The following SPATA17 variants were observed in gnomAD, a reference collection of about 807,000 sequenced individuals.
SPATA17 encodes the protein spermatogenesis-associated protein 17.
In SPATA17, 53 loss-of-function variants were observed where a neutral mutation model predicts 62.2. That is an observed-to-expected ratio of 0.85 (90% CI 0.68 to 1.07). SPATA17 has a LOEUF of 1.07. Among genes scored for constraint, SPATA17 ranks in the 50% least tolerant of loss-of-function variants. The pLI is 0.00. For synonymous variants in SPATA17, 146 were observed against 146.8 expected, an observed-to-expected ratio of 0.99 and a Z score of 0.04; for missense variants, 466 against 425.5, an observed-to-expected ratio of 1.10 and a Z score of -0.84.
intron 9 of SPATA17, among the ~76,000 whole-genome samples, chr1:217,829,627 CAAAAAAAAA>C (rs397982930): frequency 1.7e-4 from 8 of 46,758 alleles, no homozygotes; most frequent in East Asian, 9.0e-4. Flanking sequence ...GACTCCATCT[CAAAAAAAAA>C]AAAAAAAAAA....
At chr1:217,757,634 G>T (rs1310378350) in intron 6 of SPATA17, among the ~76,000 whole-genome samples, 1 of 152,138 alleles carries the variant, frequency 6.6e-6, no homozygotes, top group African/African-American at 2.4e-5. Flanking sequence ...TAGATTTGTA[G>T]GGTTGGCAAG....
chr1:217,790,787 T>A (rs1673979611), intron 8 of SPATA17, among the ~76,000 whole-genome samples: 1 of 152,212 alleles, frequency 6.6e-6, no homozygotes, highest in Non-Finnish European at 1.5e-5. Flanking sequence ...TTCGTAGACA[T>A]TACTAAAAGA....
intron 3 of SPATA17, among the ~76,000 whole-genome samples, chr1:217,663,898 C>T (rs964991365): frequency 6.6e-5 from 10 of 151,864 alleles, no homozygotes; most frequent in East Asian, 3.8e-4. Context: ...ATGGTATGTT[C>T]GTATAACAAA....
intron 4 of SPATA17, among the ~76,000 whole-genome samples, chr1:217,670,922 G>A (rs1465918392): frequency 1.3e-4 from 18 of 138,452 alleles, no homozygotes; most frequent in African/African-American, 5.0e-4. Flanking sequence ...CTGCACTCCA[G>A]CCTGGGTGAC....
At chr1:217,849,851 A>G (rs1675607490) in intron 9 of SPATA17, among the ~76,000 whole-genome samples, 1 of 152,164 alleles carries the variant, frequency 6.6e-6, no homozygotes, top group Admixed American at 6.6e-5. Context: ...GCCTTCTGAG[A>G]TATCTGAAGA....
rs946061202 is a variant in SPATA17 at position 217,868,488 on chromosome 1, A to G, written c.*1469A>G. 1 of 152,130 alleles carries G rather than the reference A, an allele frequency of 6.6e-6. No individual in the cohort carries two copies. The highest frequency in any genetic ancestry group is 1.5e-5 in the Non-Finnish European group (1 of 68,028). The allele number at this position is 152,130 out of a possible 1,614,324, so 9.4% of individuals were successfully genotyped here. On this transcript the variant is annotated 3_prime_UTR_variant, in exon 11 of 11. Coordinates refer to ENST00000366933, the MANE Select transcript of SPATA17 (RefSeq NM_138796.4). ...CCTACCTTAAATATGCTCAGAACAC[A>G]TACGTTAGCCTATAGTTGGGCAAAA...
At chr1:217,738,454 A>G (rs1672560189) in intron 5 of SPATA17, among the ~76,000 whole-genome samples, 1 of 152,246 alleles carries the variant, frequency 6.6e-6, no homozygotes, top group Non-Finnish European at 1.5e-5. Context: ...ATAAATAGCT[A>G]ACACTTACAT....
At chr1:217,758,993 T>C (rs954812726) in intron 6 of SPATA17, among the ~76,000 whole-genome samples, 2 of 152,168 alleles carry the variant, frequency 1.3e-5, no homozygotes, top group Admixed American at 1.3e-4. Context: ...GAGGCTATAA[T>C]ATTGGGATGG....
At chr1:217,758,064 G>T (rs1252444093) in intron 6 of SPATA17, among the ~76,000 whole-genome samples, 2 of 152,172 alleles carry the variant, frequency 1.3e-5, no homozygotes, top group Admixed American at 1.3e-4. Context: ...TATTCCAGCA[G>T]TTATCAACAA....
At chr1:217,780,262 CT>C (rs1673701224) in intron 7 of SPATA17, among the ~76,000 whole-genome samples, 1 of 152,012 alleles carries the variant, frequency 6.6e-6, no homozygotes, top group Non-Finnish European at 1.5e-5. Context: ...AACTTGATAG[CT>C]GGTGTCAAGT....
chr1:217,667,725 C>T (rs1670731354), intron 3 of SPATA17, among the ~76,000 whole-genome samples: 2 of 152,186 alleles, frequency 1.3e-5, no homozygotes, highest in Non-Finnish European at 2.9e-5. Context: ...CAACGTATTT[C>T]TTCTTTATAG....
At chr1:217,845,194 G>A (rs1354173533) in intron 9 of SPATA17, among the ~76,000 whole-genome samples, 1 of 152,010 alleles carries the variant, frequency 6.6e-6, no homozygotes, top group African/African-American at 2.4e-5. Context: ...ATGACTTTCA[G>A]TGCCTGCTTT....
intron 9 of SPATA17, among the ~76,000 whole-genome samples, chr1:217,837,475 A>T (rs1048266787): frequency 1.3e-5 from 2 of 152,222 alleles, no homozygotes; most frequent in South Asian, 4.1e-4. Flanking sequence ...TTACTAACAG[A>T]TTTGAAAATA....
intron 6 of SPATA17, among the ~76,000 whole-genome samples, chr1:217,773,507 C>T (rs921988155): frequency 5.3e-5 from 8 of 152,020 alleles, no homozygotes; most frequent in African/African-American, 7.2e-5. Context: ...ATCAAAATTT[C>T]GTTCTATGCA....
intron 9 of SPATA17, among the ~76,000 whole-genome samples, chr1:217,803,815 C>T (rs1021593634): frequency 5.9e-5 from 9 of 151,982 alleles, no homozygotes; most frequent in African/African-American, 1.7e-4. Context: ...ATCAGGAGTT[C>T]GAGACCAGCA....
chr1:217,651,840 G>A (rs950682220), intron 3 of SPATA17, among the ~76,000 whole-genome samples: 7 of 152,136 alleles, frequency 4.6e-5, no homozygotes, highest in African/African-American at 1.7e-4. Context: ...CAGGCATGTT[G>A]TGTAATTATT....
chr1:217,806,611 T>C (rs1674441466), intron 9 of SPATA17, among the ~76,000 whole-genome samples: 1 of 152,246 alleles, frequency 6.6e-6, no homozygotes, highest in African/African-American at 2.4e-5. Flanking sequence ...TCTCTGTTCC[T>C]GGCTTCTGTC....
intron 2 of SPATA17, 109 bp downstream of exon 2, chr1:217,649,080 A>C: frequency 1.4e-6 from 1 of 690,508 alleles, no homozygotes; most frequent in Non-Finnish European, 2.3e-6. Context: ...TATTTTACTC[A>C]TAATGTAGTT....
intron 3 of SPATA17, chr1:217,665,505 C>T (rs1397572823): frequency 1.3e-5 from 2 of 152,122 alleles, no homozygotes; most frequent in Admixed American, 1.3e-4. Context: ...GAAAAGAAGA[C>T]TTGACAAAGC....
Sources: allele counts gnomAD v4.1 joint callset (sites outside exome capture counted in the v4.1 genomes callset), GRCh38; gene constraint gnomAD v4.1.1; transcripts MANE v1.5; gene names NCBI Gene and HGNC (gene_info 2026-07-23, HGNC 2026-07-21).